The following MTOR variants were observed in gnomAD, a reference collection of about 807,000 sequenced individuals.
MTOR encodes mechanistic target of rapamycin kinase.
MTOR carries 70 observed loss-of-function variants against 319.8 expected under a neutral mutation model. That is an observed-to-expected ratio of 0.22 (90% CI 0.18 to 0.27). MTOR has a LOEUF of 0.27. Ranked by LOEUF, MTOR falls within the 10% of genes least tolerant of loss-of-function variation. The probability of loss-of-function intolerance (pLI) is 1.00; values close to 1 mark genes in which losing one functional copy is unlikely to be tolerated. For missense variants in MTOR, 1,890 were observed against 3,274.4 expected (o/e 0.58, Z 10.32); for synonymous variants, 1,183 against 1,211.4 (o/e 0.98, Z 0.49).
chr1:11,218,930 AGGCGCAGT>A (rs1302505146), intron 19 of MTOR, among the ~76,000 whole-genome samples: 1 of 152,100 alleles, frequency 6.6e-6, no homozygotes, highest in Non-Finnish European at 1.5e-5. Flanking sequence ...TGAAGTGGCC[AGGCGCAGT>A]GGCTCACGCC....
At position 11,212,972 on chromosome 1, in the gene MTOR, C is replaced by T. The variant is rs1569579111; in HGVS notation, c.3286-64G>A. On this transcript the variant is annotated intron_variant, in intron 21 of 57. Coordinates refer to ENST00000361445, the MANE Select transcript of MTOR (RefSeq NM_004958.4). The surrounding 1 kb of genome is among the most constrained non-coding windows in gnomAD (Gnocchi z 4.1). Reference sequence around the variant, plus strand: ...GTCCCAAGTATCTAAGGACACGCAGCGGGTGGTGGTGTAGACAATTCAAAG... The same window carrying T: ...GTCCCAAGTATCTAAGGACACGCAGTGGGTGGTGGTGTAGACAATTCAAAG... 14 of 1,299,480 alleles carry T rather than the reference C, an allele frequency of 1.1e-5. No homozygotes were observed. The highest frequency in any genetic ancestry group is 2.3e-5 in the East Asian group (1 of 43,068). 80.5% of individuals were successfully genotyped at this position (1,299,480 alleles called of 1,614,324 possible).
chr1:11,154,099 A>AAAAAAAAAAAAC (rs1644241377), intron 30 of MTOR, among the ~76,000 whole-genome samples: 1 of 145,468 alleles, frequency 6.9e-6, no homozygotes, highest in Non-Finnish European at 1.5e-5. Context: ...AAAAAAAAAA[A>AAAAAAAAAAAAC]AAAAGCCACA....
In MTOR at chr1:11,128,258, G is replaced by T; in HGVS notation, c.5911-132C>A. On this transcript the variant is annotated intron_variant, in intron 42 of 57. Transcript: ENST00000361445. The surrounding 1 kb of genome is among the most constrained non-coding windows in gnomAD (Gnocchi z 5.3). The stretch of plus-strand genomic sequence containing the variant: ...ATCTGCTTGAGACTACCAGGAAGGG[G>T]CTCAGTCTTCGAGGGAACGCTTTCT... 7.2e-7 allele frequency: 1 copy of T among 1,387,978 alleles called. No homozygotes were observed. The highest frequency in any genetic ancestry group is 1.3e-5 in the South Asian group (1 of 75,284). The allele number at this position is 1,387,978 out of a possible 1,614,324, so 86.0% of individuals were successfully genotyped here.
intron 28 of MTOR, among the ~76,000 whole-genome samples, chr1:11,180,789 T>A (rs1645122199): frequency 1.3e-5 from 2 of 151,980 alleles, no homozygotes; most frequent in Admixed American, 6.6e-5. Flanking sequence ...AGGTTTTTTT[T>A]TTTTTTTTGA....
intron 29 of MTOR, among the ~76,000 whole-genome samples, chr1:11,163,876 A>G: frequency 6.6e-6 from 1 of 152,188 alleles, no homozygotes; most frequent in Non-Finnish European, 1.5e-5. Context: ...TAAAAGAACT[A>G]GAGAAGCAAG....
Position 11,107,075 on chromosome 1 carries a change from G to A in MTOR, c.*410C>T. On this transcript the variant is annotated 3_prime_UTR_variant, in exon 58 of 58. Coordinates refer to ENST00000361445, the MANE Select transcript of MTOR (RefSeq NM_004958.4). ...TCCTAATCCATGTTCTCCACGACCT[G>A]AGGCTTCTTGGCTGTGCTGAGTTTG... 2.9e-6 allele frequency: 4 copies of A among 1,373,106 alleles called. No individual in the cohort carries two copies. The highest frequency in any genetic ancestry group is 3.8e-6 in the Non-Finnish European group (4 of 1,040,544). 85.1% of individuals were successfully genotyped at this position (1,373,106 alleles called of 1,614,324 possible).
rs769878981 is a variant in MTOR at position 11,124,500 on chromosome 1, G to T, written c.6660C>A (p.Leu2220=). The T allele has an allele frequency of 6.2e-7, 1 of 1,605,948 alleles. No individual in the cohort carries two copies. Among genetic ancestry groups the T allele is most frequent in the Non-Finnish European group, 8.5e-7 (1 of 1,173,034 alleles). ...ANDPTSLRKN[L]SIQRYAVIPL... ...GCCATTTCAGGGTTTCTGAATACCTGAGGTTTTTCCGAAGAGATGTTGGGT... is the reference window on the plus strand; with the variant it reads ...GCCATTTCAGGGTTTCTGAATACCTTAGGTTTTTCCGAAGAGATGTTGGGT... Residue 2220 remains leucine, a splice_region_variant and synonymous_variant, in exon 47 of 58, where the codon CTC becomes CTA. Coordinates refer to ENST00000361445, the MANE Select transcript of MTOR (RefSeq NM_004958.4).
At chr1:11,215,766 A>G (rs951371838) in intron 20 of MTOR, among the ~76,000 whole-genome samples, 1 of 152,208 alleles carries the variant, frequency 6.6e-6, no homozygotes, top group Non-Finnish European at 1.5e-5. Context: ...ATCATATTTA[A>G]CAGCCCTAAG....
rs986956196 is a variant in MTOR, at chr1:11,157,589, A to G, written c.4330-298T>C. Among the ~76,000 whole-genome samples, 2 of 152,206 alleles carry G rather than the reference A, an allele frequency of 1.3e-5. 1 individual carries two copies. The highest frequency in any genetic ancestry group is 2.9e-5 in the Non-Finnish European group (2 of 68,050). On this transcript the variant is annotated intron_variant, in intron 29 of 57. Coordinates refer to ENST00000361445, the MANE Select transcript of MTOR (RefSeq NM_004958.4). ...TCCCAGACACATGGGTCATCAGAAC[A>G]CACCAGGATGTGCGGACACGAGGAC...
intron 10 of MTOR, 30 bp from the exon 11 acceptor site, chr1:11,240,577 G>A (rs754808859): frequency 4.4e-6 from 7 of 1,605,972 alleles, no homozygotes; most frequent in Non-Finnish European, 5.1e-6. Flanking sequence ...TCACATAAGG[G>A]CTGGGCACAT....
intron 28 of MTOR, among the ~76,000 whole-genome samples, chr1:11,176,328 G>A (rs368706321): frequency 1.8e-4 from 27 of 152,296 alleles, no homozygotes; most frequent in East Asian, 1.5e-3. Context: ...CGTGACCTCT[G>A]GGGTTCAGAG....
chr1:11,202,895 C>T (rs777349942), intron 26 of MTOR, among the ~76,000 whole-genome samples: 3 of 143,794 alleles, frequency 2.1e-5, no homozygotes, highest in Non-Finnish European at 4.6e-5. Flanking sequence ...GCAGCAGAGA[C>T]CCTGTTTCCA....
At chr1:11,186,322 A>G (rs998700827) in intron 28 of MTOR, among the ~76,000 whole-genome samples, 13 of 152,112 alleles carry the variant, frequency 8.5e-5, no homozygotes, top group Non-Finnish European at 1.9e-4. Context: ...GGATAGAAGG[A>G]GAGACCACCC....
intron 28 of MTOR, among the ~76,000 whole-genome samples, chr1:11,179,361 A>T (rs572991245): frequency 6.6e-6 from 1 of 152,328 alleles, no homozygotes; most frequent in African/African-American, 2.4e-5. Flanking sequence ...GTTATATAAA[A>T]ATCAGAAGCA....
chr1:11,223,832 G>A (rs570115573), intron 19 of MTOR, among the ~76,000 whole-genome samples: 44 of 152,128 alleles, frequency 2.9e-4, no homozygotes, highest in African/African-American at 1.0e-3. Flanking sequence ...TTGTGGTCAG[G>A]AGTTTGAGAC....
At chr1:11,233,996 T>C in intron 14 of MTOR, 147 bp downstream of exon 14, 1 of 1,135,574 alleles carries the variant, frequency 8.8e-7, no homozygotes, top group Non-Finnish European at 1.3e-6. Context: ...CTGAAAGTGC[T>C]TGATATGGCC....
At chr1:11,260,914 C>T (rs1239869698) in intron 1 of MTOR, among the ~76,000 whole-genome samples, 1 of 151,546 alleles carries the variant, frequency 6.6e-6, no homozygotes, top group Non-Finnish European at 1.5e-5. Context: ...CTCAGCTTCC[C>T]GAGTAGCTGG....
chr1:11,118,611 T>C (rs1293847351), intron 49 of MTOR, among the ~76,000 whole-genome samples: 3 of 148,874 alleles, frequency 2.0e-5, no homozygotes, highest in Non-Finnish European at 4.4e-5. Context: ...GTGGTCTTTT[T>C]CTTCTTCTTT....
intron 28 of MTOR, among the ~76,000 whole-genome samples, chr1:11,180,515 T>G (rs1645113161): frequency 6.6e-6 from 1 of 152,176 alleles, no homozygotes; most frequent in Admixed American, 6.5e-5. Flanking sequence ...TCTTAAAGAA[T>G]GACCAGGCCT....
Sources: allele counts gnomAD v4.1 joint callset (sites outside exome capture counted in the v4.1 genomes callset), GRCh38; gene constraint gnomAD v4.1.1; non-coding constraint Gnocchi (gnomAD v3.1); transcripts MANE v1.5; gene names NCBI Gene and HGNC (gene_info 2026-07-23, HGNC 2026-07-21).